OSBPL10: variants seen among roughly 807,000 people sequenced by gnomAD.
The protein encoded by OSBPL10 is oxysterol-binding protein-related protein 10.
Under a neutral mutation model 81.7 loss-of-function variants are expected in OSBPL10, and 49 were observed. The observed-to-expected ratio is 0.60, with a 90% CI of 0.48 to 0.76. The LOEUF (loss-of-function observed/expected upper bound fraction) is 0.76, where lower values mean the gene tolerates loss of function less well. Ranked by LOEUF, OSBPL10 falls within the 30% of genes least tolerant of loss-of-function variation. The pLI is 0.00. For missense variants in OSBPL10, 923 were observed against 987.8 expected (o/e 0.93, Z 0.88); for synonymous variants, 419 against 383.6 (o/e 1.09, Z -1.08).
At chr3:31,832,666 T>C (rs1700273008) in intron 3 of OSBPL10, among the ~76,000 whole-genome samples, 1 of 152,112 alleles carries the variant, frequency 6.6e-6, no homozygotes, top group Non-Finnish European at 1.5e-5. Context: ...TACAAGATGG[T>C]GCATAACAGG....
At chr3:31,891,948 T>C (rs1392401602) in intron 1 of OSBPL10, among the ~76,000 whole-genome samples, 1 of 152,164 alleles carries the variant, frequency 6.6e-6, no homozygotes, top group African/African-American at 2.4e-5. Flanking sequence ...CCAGGTATTG[T>C]GCTAAGGATA....
chr3:31,909,590 G>A (rs1405322529), intron 1 of OSBPL10, among the ~76,000 whole-genome samples: 2 of 152,064 alleles, frequency 1.3e-5, no homozygotes, highest in African/African-American at 4.8e-5. Flanking sequence ...GCAAAAAAGT[G>A]CAAATGAACA....
intron 2 of OSBPL10, among the ~76,000 whole-genome samples, chr3:31,997,453 T>G (rs1043359072): frequency 2.0e-5 from 3 of 151,724 alleles, no homozygotes; most frequent in African/African-American, 7.3e-5. Context: ...TTAGTAGAGA[T>G]AGGGTTTCAC....
chr3:31,733,504 C>T (rs1384986636), intron 5 of OSBPL10, 93 bp from the exon 6 acceptor site: 1 of 1,497,520 alleles, frequency 6.7e-7, no homozygotes, highest in African/African-American at 1.4e-5. Context: ...AAGAGACCTA[C>T]TTGAAAAGGG....
intron 8 of OSBPL10, among the ~76,000 whole-genome samples, chr3:31,678,634 A>C (rs907399104): frequency 6.6e-5 from 10 of 152,126 alleles, no homozygotes; most frequent in Non-Finnish European, 1.5e-4. Flanking sequence ...ACAGACTGGG[A>C]GGTATTGACC....
intron 3 of OSBPL10, among the ~76,000 whole-genome samples, chr3:31,854,096 A>G (rs1327902904): frequency 6.6e-6 from 1 of 151,834 alleles, no homozygotes; most frequent in East Asian, 1.9e-4. Context: ...GGTCAAGGTC[A>G]CTCACAACCT....
intron 1 of OSBPL10, among the ~76,000 whole-genome samples, chr3:31,942,126 T>A (rs1041942789): frequency 6.6e-6 from 1 of 151,656 alleles, no homozygotes; most frequent in South Asian, 2.1e-4. Flanking sequence ...TACAAAAAAA[T>A]TAGCTGGGCG....
At chr3:31,757,115 AAAT>A (rs1697910130) in intron 4 of OSBPL10, among the ~76,000 whole-genome samples, 1 of 152,212 alleles carries the variant, frequency 6.6e-6, no homozygotes, top group Non-Finnish European at 1.5e-5. Context: ...CGTGAAAATT[AAAT>A]AAAATAGGGG....
rs145298901 is a variant in OSBPL10, at chr3:31,915,210, AC to A, written c.282-35381del. Among the ~76,000 whole-genome samples the A allele has an allele frequency of 3.7e-3, 558 of 151,922 alleles. 18 individuals carry two copies. The East Asian group carries it at 0.085, about 23-fold the overall frequency. On this transcript the variant is annotated intron_variant, in intron 1 of 11. Transcript: ENST00000396556. ...TGAATGGTAACAGGGGGGAAAAAAAACCATTACCATGAATAAAATTTCCTCT... is the reference window on the plus strand; with the variant it reads ...TGAATGGTAACAGGGGGGAAAAAAAACATTACCATGAATAAAATTTCCTCT...
chr3:31,716,146 GAC>G (rs1420149897), intron 6 of OSBPL10, among the ~76,000 whole-genome samples: 2 of 152,152 alleles, frequency 1.3e-5, no homozygotes, highest in Non-Finnish European at 2.9e-5. Context: ...CAGACCTACA[GAC>G]ACAGAAACTC....
At chr3:31,723,893 G>T (rs1290973254) in intron 6 of OSBPL10, among the ~76,000 whole-genome samples, 2 of 152,112 alleles carry the variant, frequency 1.3e-5, no homozygotes, top group Non-Finnish European at 2.9e-5. Context: ...CATTCATCGT[G>T]GGAAAATAAA....
chr3:31,819,404 C>T (rs1402122947), intron 4 of OSBPL10, among the ~76,000 whole-genome samples: 3 of 152,210 alleles, frequency 2.0e-5, no homozygotes, highest in Non-Finnish European at 4.4e-5. Flanking sequence ...TTCCACTTTA[C>T]ATACGAGAGA....
At chr3:31,744,182 G>A (rs974521496) in intron 5 of OSBPL10, among the ~76,000 whole-genome samples, 5 of 152,280 alleles carry the variant, frequency 3.3e-5, no homozygotes, top group South Asian at 4.1e-4. Context: ...AGTAGTGATC[G>A]TGATGCTTCA....
intron 2 of OSBPL10, chr3:31,986,518 G>A (rs980586831): frequency 8.5e-5 from 13 of 152,320 alleles, no homozygotes; most frequent in African/African-American, 2.6e-4. Context: ...GGCTGAGGCG[G>A]GCAGATCACG....
intron 6 of OSBPL10, among the ~76,000 whole-genome samples, chr3:31,717,925 C>T (rs1696501833): frequency 6.6e-6 from 1 of 152,158 alleles, no homozygotes; most frequent in South Asian, 2.1e-4. Flanking sequence ...TGTGAGACAG[C>T]TGTAATCATC....
chr3:31,759,062 C>T (rs1370580222), intron 4 of OSBPL10, among the ~76,000 whole-genome samples: 1 of 152,146 alleles, frequency 6.6e-6, no homozygotes, highest in Admixed American at 6.5e-5. Flanking sequence ...ATGATTTCTA[C>T]ACAAAGGTTA....
chr3:32,001,203 G>A (rs545639588), intron 2 of OSBPL10, among the ~76,000 whole-genome samples: 2 of 152,226 alleles, frequency 1.3e-5, no homozygotes, highest in Admixed American at 6.5e-5. Flanking sequence ...ACCAAGCAGC[G>A]ATGCCTAAGA....
intron 1 of OSBPL10, among the ~76,000 whole-genome samples, chr3:32,054,481 T>C (rs1699691283): frequency 6.6e-6 from 1 of 151,706 alleles, no homozygotes; most frequent in Non-Finnish European, 1.5e-5. Flanking sequence ...TACATAAAAT[T>C]GTTGTATGCC....
intron 3 of OSBPL10, among the ~76,000 whole-genome samples, chr3:31,836,487 G>A (rs972652277): frequency 2.0e-5 from 3 of 151,954 alleles, no homozygotes; most frequent in Non-Finnish European, 4.4e-5. Flanking sequence ...CATTTTCTGC[G>A]CTTTTTTCCC....
Sources: allele counts gnomAD v4.1 joint callset (sites outside exome capture counted in the v4.1 genomes callset), GRCh38; gene constraint gnomAD v4.1.1; transcripts MANE v1.5; gene names NCBI Gene and HGNC (gene_info 2026-07-23, HGNC 2026-07-21).